SOX5: variants seen among roughly 807,000 people sequenced by gnomAD.
The protein encoded by SOX5 is SRY-box transcription factor 5, also known as transcription factor SOX-5.
Under a neutral mutation model 92.0 loss-of-function variants are expected in SOX5, and 9 were observed. The ratio of observed to expected loss-of-function variants is 0.10; its 90% CI spans 0.06 to 0.17. The LOEUF is 0.17. Among genes scored for constraint, SOX5 ranks in the 10% least tolerant of loss-of-function variants. The probability of loss-of-function intolerance (pLI) is 1.00; values close to 1 mark genes in which losing one functional copy is unlikely to be tolerated. For missense variants in SOX5, 642 were observed against 944.5 expected, an observed-to-expected ratio of 0.68 and a Z score of 4.20; for synonymous variants, 344 against 336.3, an observed-to-expected ratio of 1.02 and a Z score of -0.25.
At chr12:24,527,000 T>G (rs1294031064) in intron 1 of SOX5, among the ~76,000 whole-genome samples, 1 of 151,838 alleles carries the variant, frequency 6.6e-6, no homozygotes, top group African/African-American at 2.4e-5. Flanking sequence ...GTATGGTGCC[T>G]AGTCTGCTCT....
chr12:24,290,938 A>G (rs1396155156), intron 2 of SOX5, among the ~76,000 whole-genome samples: 1 of 152,206 alleles, frequency 6.6e-6, no homozygotes, highest in Non-Finnish European at 1.5e-5. Context: ...GCCCAGACAC[A>G]GGGCTAAGTT....
intron 4 of SOX5, among the ~76,000 whole-genome samples, chr12:23,960,167 A>G (rs1456397232): frequency 6.6e-6 from 1 of 152,144 alleles, no homozygotes; most frequent in Non-Finnish European, 1.5e-5. Context: ...AATCAAGCCA[A>G]CATGCATCTG....
intron 13 of SOX5, among the ~76,000 whole-genome samples, chr12:23,542,779 C>T (rs1011064631): frequency 2.0e-5 from 3 of 152,178 alleles, no homozygotes; most frequent in Non-Finnish European, 2.9e-5. Context: ...AGATGAATTC[C>T]GCAAATAAAA....
At chr12:24,215,441 A>G (rs1043098486) in intron 3 of SOX5, among the ~76,000 whole-genome samples, 3 of 152,170 alleles carry the variant, frequency 2.0e-5, no homozygotes, top group Admixed American at 6.5e-5. Flanking sequence ...AATCAATTGT[A>G]TTTCTACAAA....
chr12:24,270,676 CTT>C (rs1182481410), intron 3 of SOX5, among the ~76,000 whole-genome samples: 1 of 152,162 alleles, frequency 6.6e-6, no homozygotes, highest in African/African-American at 2.4e-5. Flanking sequence ...ACCTCAACCT[CTT>C]TCCTCATTCG....
chr12:23,970,826 T>TTTTATATATATA (rs1555456140), intron 4 of SOX5, among the ~76,000 whole-genome samples: 1 of 25,782 alleles, frequency 3.9e-5, no homozygotes. Flanking sequence ...ACATGGGACT[T>TTTTATATATATA]TATATATATA....
rs187197888 is a variant in SOX5, at chr12:23,704,342, A to C, written c.810+30342T>G. Among the ~76,000 whole-genome samples, 10 of 151,888 alleles carry C rather than the reference A, an allele frequency of 6.6e-5. No individual in the cohort carries two copies. The Admixed American group carries it at 6.6e-4, about 10-fold the overall frequency. The stretch of plus-strand genomic sequence containing the variant: ...AATTTAAAATTAAAAGAATTGAAAA[A>C]TCACCATTATAAAGTGCAAAATATG... On this transcript the variant is annotated intron_variant, in intron 6 of 14. Coordinates refer to ENST00000451604, the MANE Select transcript of SOX5 (RefSeq NM_006940.6).
Position 23,874,882 on chromosome 12 carries a change from A to G in SOX5, c.270+20911T>C, listed in dbSNP as rs186802802. On this transcript the variant is annotated intron_variant, in intron 2 of 14. Coordinates refer to ENST00000451604, the MANE Select transcript of SOX5 (RefSeq NM_006940.6). Reference sequence around the variant, plus strand: ...TCCATACTGTTTTCCACCTCAAACCACTGAGTACCATAGAAGAAGGGGGAA... The same window carrying G: ...TCCATACTGTTTTCCACCTCAAACCGCTGAGTACCATAGAAGAAGGGGGAA... Among the ~76,000 whole-genome samples the G allele has an allele frequency of 3.3e-5, 5 of 152,314 alleles. No homozygotes were observed. In the East Asian group the frequency reaches 7.7e-4, roughly 24 times the overall value.
At chr12:23,926,863 GGAGA>G (rs1940106565) in intron 1 of SOX5, among the ~76,000 whole-genome samples, 1 of 151,996 alleles carries the variant, frequency 6.6e-6, no homozygotes, top group Admixed American at 6.6e-5. Context: ...GTCAACTTTA[GGAGA>G]GAGTGAAATA....
At chr12:23,999,729 C>A (rs1179760033) in intron 4 of SOX5, among the ~76,000 whole-genome samples, 2 of 151,752 alleles carry the variant, frequency 1.3e-5, no homozygotes, top group African/African-American at 2.4e-5. Context: ...AATCAAAGTG[C>A]TACAGAAAAA....
At chr12:24,544,855 T>C (rs1952467558) in intron 1 of SOX5, among the ~76,000 whole-genome samples, 1 of 152,208 alleles carries the variant, frequency 6.6e-6, no homozygotes, top group Non-Finnish European at 1.5e-5. Flanking sequence ...TCAGTAGTAT[T>C]TGAAGTGGGT....
At position 23,643,086 on chromosome 12, in the gene SOX5, CAAAAAA is replaced by C. The variant is rs71444197; in HGVS notation, c.932-2195_932-2190del. 6.4e-5 allele frequency among the ~76,000 whole-genome samples: 4 copies of C among 62,614 alleles called. 1 individual carries two copies. The highest frequency in any genetic ancestry group is 2.3e-4 in the African/African-American group (4 of 17,162). 41.1% of individuals were successfully genotyped at this position (62,614 alleles called of 152,430 possible). A position where few individuals can be genotyped will look rare whatever the true frequency, so the allele number is the denominator to read the frequency against. ...TGGGCGACAGAGCGAGACTCCGTCT[CAAAAAA>C]AAAAAAAAAAAAAAAAGGTAATTAT... On this transcript the variant is annotated intron_variant, in intron 7 of 14. Coordinates refer to ENST00000451604, the MANE Select transcript of SOX5 (RefSeq NM_006940.6).
intron 3 of SOX5, among the ~76,000 whole-genome samples, chr12:24,233,240 TA>T (rs1244709412): frequency 1.3e-5 from 2 of 152,128 alleles, no homozygotes; most frequent in Non-Finnish European, 2.9e-5. Flanking sequence ...GGATAAGGGT[TA>T]AAAACTTTAG....
intron 8 of SOX5, among the ~76,000 whole-genome samples, chr12:23,623,542 TCC>T (rs1466859409): frequency 3.9e-5 from 6 of 152,110 alleles, no homozygotes; most frequent in Non-Finnish European, 8.8e-5. Flanking sequence ...TGCTCATTTA[TCC>T]CTCTTTCATT....
chr12:23,649,281 G>GA (rs559878134), intron 7 of SOX5, among the ~76,000 whole-genome samples: 89 of 146,838 alleles, frequency 6.1e-4, no homozygotes, highest in Admixed American at 3.6e-3. Flanking sequence ...GCTGCTGTAA[G>GA]AAAAAAAAAA....
At chr12:24,300,219 GA>G (rs1156320343) in intron 2 of SOX5, among the ~76,000 whole-genome samples, 1 of 152,158 alleles carries the variant, frequency 6.6e-6, no homozygotes, top group Non-Finnish European at 1.5e-5. Context: ...CAGAAAAATA[GA>G]AAAACATGCC....
intron 1 of SOX5, among the ~76,000 whole-genome samples, chr12:24,550,602 C>T (rs543184879): frequency 1.9e-4 from 29 of 152,148 alleles, no homozygotes; most frequent in Admixed American, 4.6e-4. Context: ...GAAGAAATAT[C>T]GGAAAGATTA....
At chr12:23,556,501 A>T (rs905452781) in intron 11 of SOX5, among the ~76,000 whole-genome samples, 2 of 152,174 alleles carry the variant, frequency 1.3e-5, no homozygotes, top group East Asian at 1.9e-4. Flanking sequence ...GATTTAAAAC[A>T]TTGGGAACAT....
At chr12:24,061,890 T>C (rs1387130984) in intron 4 of SOX5, among the ~76,000 whole-genome samples, 1 of 152,212 alleles carries the variant, frequency 6.6e-6, no homozygotes, top group East Asian at 1.9e-4. Flanking sequence ...TGCTAGTCAT[T>C]ACTATATGAA....
Sources: gnomAD v4.1 joint callset for allele counts (sites outside exome capture counted in the v4.1 genomes callset) on GRCh38, gnomAD v4.1.1 for gene constraint, MANE v1.5 for transcripts, NCBI Gene and HGNC (gene_info 2026-07-23, HGNC 2026-07-21) for gene names.